CAPSL: variants seen among roughly 807,000 people sequenced by gnomAD.
CAPSL encodes the protein calcyphosin-like protein.
CAPSL carries 17 observed loss-of-function variants against 21.3 expected under a neutral mutation model. That is an observed-to-expected ratio of 0.80 (90% CI 0.55 to 1.20). The LOEUF (loss-of-function observed/expected upper bound fraction) is 1.20. Ranked by LOEUF, CAPSL falls within the 50% of genes most tolerant of loss-of-function variation. The pLI is 0.00. For missense variants in CAPSL, 289 were observed against 259.3 expected, an observed-to-expected ratio of 1.11 and a Z score of -0.79; for synonymous variants, 102 against 89.3, an observed-to-expected ratio of 1.14 and a Z score of -0.80.
At chr5:35,905,276 AT>A (rs1760650303) in intron 4 of CAPSL, among the ~76,000 whole-genome samples, 1 of 152,046 alleles carries the variant, frequency 6.6e-6, no homozygotes, top group Non-Finnish European at 1.5e-5. Flanking sequence ...CTGTGTGGGG[AT>A]TTTATATTAC....
chr5:35,907,154 G>A (rs964091279), intron 4 of CAPSL, among the ~76,000 whole-genome samples: 2 of 152,110 alleles, frequency 1.3e-5, no homozygotes, highest in African/African-American at 2.4e-5. Context: ...ACCTTTATGT[G>A]ACAAGATATA....
intron 2 of CAPSL, among the ~76,000 whole-genome samples, chr5:35,919,670 A>T (rs528412413): frequency 6.6e-6 from 1 of 152,294 alleles, no homozygotes; most frequent in East Asian, 1.9e-4. Context: ...GAGAGTGTTC[A>T]GTCTTCAACT....
At chr5:35,931,316 C>T (rs944036836) in intron 1 of CAPSL, among the ~76,000 whole-genome samples, 2 of 152,144 alleles carry the variant, frequency 1.3e-5, no homozygotes, top group African/African-American at 4.8e-5. Flanking sequence ...TCTATTATAA[C>T]CTCTTCTCTC....
chr5:35,916,502 G>A (rs541287449), intron 2 of CAPSL, among the ~76,000 whole-genome samples: 3 of 152,206 alleles, frequency 2.0e-5, no homozygotes, highest in Non-Finnish European at 4.4e-5. Flanking sequence ...CATGGTACTG[G>A]TACCAAAACA....
intron 1 of CAPSL, among the ~76,000 whole-genome samples, chr5:35,927,608 A>G (rs548729931): frequency 5.3e-5 from 8 of 152,322 alleles, no homozygotes; most frequent in Non-Finnish European, 1.2e-4. Flanking sequence ...GATCCTGAGC[A>G]CTGAGACCAG....
intron 2 of CAPSL, among the ~76,000 whole-genome samples, chr5:35,911,700 T>G (rs911118724): frequency 6.6e-6 from 1 of 152,222 alleles, no homozygotes; most frequent in African/African-American, 2.4e-5. Context: ...AATAATCATG[T>G]GCTGGCATTG....
At chr5:35,918,960 A>G (rs1397253538) in intron 2 of CAPSL, among the ~76,000 whole-genome samples, 3 of 152,058 alleles carry the variant, frequency 2.0e-5, no homozygotes, top group African/African-American at 7.2e-5. Flanking sequence ...AGGAGTCAAT[A>G]TGGTGGGCTA....
At chr5:35,911,906 GC>G (rs2149918708) in intron 2 of CAPSL, among the ~76,000 whole-genome samples, 1 of 152,246 alleles carries the variant, frequency 6.6e-6, no homozygotes, top group Non-Finnish European at 1.5e-5. Context: ...CTGAAGCAGG[GC>G]AAGGCATCGC....
chr5:35,911,623 G>A (rs966412702), intron 2 of CAPSL, among the ~76,000 whole-genome samples: 3 of 152,184 alleles, frequency 2.0e-5, no homozygotes, highest in African/African-American at 7.2e-5. Context: ...TTCTGGATGA[G>A]ATCTTGAAAC....
chr5:35,938,753 A>G (rs1161068895), upstream of CAPSL: 2 of 152,450 alleles, frequency 1.3e-5, no homozygotes, highest in Admixed American at 6.5e-5. Context: ...CTCACTGTCA[A>G]TCTCTACTCT....
chr5:35,905,349 T>C (rs16902567), intron 4 of CAPSL, among the ~76,000 whole-genome samples: 3 of 152,302 alleles, frequency 2.0e-5, no homozygotes, highest in South Asian at 2.1e-4. Flanking sequence ...CTAGATAATA[T>C]GTACACTCTA....
At chr5:35,916,762 G>T (rs909254867) in intron 2 of CAPSL, among the ~76,000 whole-genome samples, 1 of 152,022 alleles carries the variant, frequency 6.6e-6, no homozygotes, top group Non-Finnish European at 1.5e-5. Flanking sequence ...CATAAAAACC[G>T]TAGAAGAAAA....
intron 3 of CAPSL, 125 bp from the exon 4 acceptor site, chr5:35,910,200 T>C (rs529029610): frequency 8.3e-6 from 9 of 1,082,056 alleles, no homozygotes; most frequent in Non-Finnish European, 1.2e-5. Context: ...TATTATGTAA[T>C]AGACACTACA....
chr5:35,937,015 A>G (rs1738965712), intron 1 of CAPSL, among the ~76,000 whole-genome samples: 1 of 152,172 alleles, frequency 6.6e-6, no homozygotes, highest in Admixed American at 6.5e-5. Context: ...GACTCTTCCT[A>G]ACCCTTTACA....
chr5:35,924,276 G>A (rs1738611041), intron 1 of CAPSL, among the ~76,000 whole-genome samples: 1 of 152,186 alleles, frequency 6.6e-6, no homozygotes, highest in East Asian at 1.9e-4. Flanking sequence ...GGAAACTAAG[G>A]CTTGGGTTGG....
At chr5:35,918,577 G>T (rs561123768) in intron 2 of CAPSL, among the ~76,000 whole-genome samples, 1 of 152,128 alleles carries the variant, frequency 6.6e-6, no homozygotes, top group East Asian at 1.9e-4. Context: ...AAACCTGCAC[G>T]TTCTGCCCAT....
intron 2 of CAPSL, among the ~76,000 whole-genome samples, chr5:35,912,327 T>A (rs1307396966): frequency 6.6e-6 from 1 of 152,174 alleles, no homozygotes; most frequent in Non-Finnish European, 1.5e-5. Flanking sequence ...CTCTGCAGAT[T>A]TAAATGTCCC....
chr5:35,913,518 A>T (rs1353400010), intron 2 of CAPSL, among the ~76,000 whole-genome samples: 1 of 152,250 alleles, frequency 6.6e-6, no homozygotes, highest in East Asian at 1.9e-4. Context: ...CTCAGCAGAA[A>T]CTCTACAAGC....
Position 35,920,981 on chromosome 5 carries a change from T to C in CAPSL, c.137+3A>G. 1.9e-6 allele frequency: 3 copies of C among 1,613,650 alleles called. No individual in the cohort carries two copies. Among genetic ancestry groups the C allele is most frequent in the Non-Finnish European group, 1.7e-6 (2 of 1,179,834 alleles). ...TTCCCTGCCACTTGTAGCTGGGTCC[T>C]ACCTGCCAAGTCCTTTGATCCCAGC... On this transcript the variant is annotated splice_donor_region_variant and intron_variant, in intron 2 of 4. Transcript: ENST00000651391.
Sources: allele counts gnomAD v4.1 joint callset (sites outside exome capture counted in the v4.1 genomes callset), GRCh38; gene constraint gnomAD v4.1.1; transcripts MANE v1.5; gene names NCBI Gene and HGNC (gene_info 2026-07-23, HGNC 2026-07-21).